Variants in CDKAL1 observed in about 807,000 individuals in gnomAD.
CDKAL1 encodes the protein threonylcarbamoyladenosine tRNA methylthiotransferase.
Under a neutral mutation model 68.2 loss-of-function variants are expected in CDKAL1, and 32 were observed. The observed-to-expected ratio is 0.47, with a 90% CI of 0.35 to 0.63. The LOEUF (loss-of-function observed/expected upper bound fraction) is 0.63. Among genes scored for constraint, CDKAL1 ranks in the 30% least tolerant of loss-of-function variants. The pLI is 0.00. For missense variants in CDKAL1, 606 were observed against 696.7 expected (o/e 0.87, Z 1.47); for synonymous variants, 234 against 244.3 (o/e 0.96, Z 0.39).
Position 20,602,709 on chromosome 6 carries a change from G to A in CDKAL1, c.287-46584G>A, listed in dbSNP as rs79239785. 6.5e-3 allele frequency among the ~76,000 whole-genome samples: 989 copies of A among 152,220 alleles called. 9 individuals are homozygous for A. Among genetic ancestry groups the A allele is most frequent in the African/African-American group, 0.023 (944 of 41,514 alleles). On this transcript the variant is annotated intron_variant, in intron 4 of 15. Transcript: ENST00000274695. ...CTTCTTTCTCCATGATTCCTCAGAG[G>A]TTACTTACTTACTGATTCAGCAGCC...
At chr6:21,172,842 G>A (rs12194541) in intron 13 of CDKAL1, among the ~76,000 whole-genome samples, 1,713 of 152,194 alleles carry the variant, frequency 0.011, 11 homozygotes, top group Non-Finnish European at 0.019. Flanking sequence ...TTGCTTGTGT[G>A]TACATTGGTT....
chr6:21,120,618 C>T (rs535873291), intron 13 of CDKAL1, among the ~76,000 whole-genome samples: 1 of 152,278 alleles, frequency 6.6e-6, no homozygotes, highest in African/African-American at 2.4e-5. Context: ...TTATTTTATG[C>T]ATACACAAAT....
chr6:20,951,922 C>T (rs1765115204), intron 9 of CDKAL1, among the ~76,000 whole-genome samples: 1 of 149,506 alleles, frequency 6.7e-6, no homozygotes, highest in South Asian at 2.1e-4. Flanking sequence ...CTTCTCTTAT[C>T]TTAGTTCTTC....
intron 5 of CDKAL1, among the ~76,000 whole-genome samples, chr6:20,709,462 T>C (rs1437119420): frequency 6.6e-6 from 1 of 152,156 alleles, no homozygotes; most frequent in East Asian, 1.9e-4. Flanking sequence ...AAAAAAAAAT[T>C]TGAAGTCTGA....
intron 4 of CDKAL1, among the ~76,000 whole-genome samples, chr6:20,568,032 C>T (rs1306426057): frequency 2.0e-5 from 3 of 152,100 alleles, no homozygotes; most frequent in Non-Finnish European, 2.9e-5. Flanking sequence ...CCTGCCACCA[C>T]GCCCGGCTAA....
intron 12 of CDKAL1, among the ~76,000 whole-genome samples, chr6:21,090,271 T>G (rs1772927181): frequency 6.6e-6 from 1 of 152,304 alleles, no homozygotes; most frequent in African/African-American, 2.4e-5. Context: ...TACCAAGCAT[T>G]TTATTGACAT....
chr6:21,117,117 T>C (rs1413923045), intron 13 of CDKAL1, among the ~76,000 whole-genome samples: 4 of 151,876 alleles, frequency 2.6e-5, no homozygotes, highest in Non-Finnish European at 5.9e-5. Flanking sequence ...AACAGCTCTG[T>C]TTTTTTTCCT....
chr6:20,543,732 ATTTTTTTTT>A (rs758586145), intron 2 of CDKAL1, among the ~76,000 whole-genome samples: 1 of 102,418 alleles, frequency 9.8e-6, no homozygotes. Flanking sequence ...TATGTTTTAC[ATTTTTTTTT>A]TTTTTTTTTT....
intron 13 of CDKAL1, among the ~76,000 whole-genome samples, chr6:21,188,330 T>G (rs1220221825): frequency 2.0e-5 from 3 of 152,220 alleles, no homozygotes; most frequent in Non-Finnish European, 4.4e-5. Flanking sequence ...AAGTATTTTG[T>G]GGCTTCTTCT....
chr6:21,095,680 C>G (rs56093609), intron 12 of CDKAL1, among the ~76,000 whole-genome samples: 7,793 of 150,834 alleles, frequency 0.052, 239 homozygotes, highest in East Asian at 0.11. Context: ...CACTGGCTAT[C>G]TCTGTGTAGT....
intron 15 of CDKAL1, among the ~76,000 whole-genome samples, chr6:21,227,105 T>C (rs1015794464): frequency 1.3e-5 from 2 of 152,266 alleles, no homozygotes; most frequent in Non-Finnish European, 2.9e-5. Flanking sequence ...ACAATCTTGA[T>C]AAGGTTTTAA....
chr6:20,672,840 G>A (rs532684697), intron 5 of CDKAL1, among the ~76,000 whole-genome samples: 3 of 151,560 alleles, frequency 2.0e-5, no homozygotes, highest in East Asian at 2.0e-4. Flanking sequence ...GCAATGGCAC[G>A]ATCTTGGCTC....
At chr6:20,747,418 A>T (rs1397763906) in intron 6 of CDKAL1, among the ~76,000 whole-genome samples, 1 of 152,182 alleles carries the variant, frequency 6.6e-6, no homozygotes, top group Non-Finnish European at 1.5e-5. Flanking sequence ...ACTGTTTTCC[A>T]TAACGGCTGT....
chr6:20,709,519 G>T (rs1009967324), intron 5 of CDKAL1, among the ~76,000 whole-genome samples: 1 of 152,010 alleles, frequency 6.6e-6, no homozygotes, highest in Non-Finnish European at 1.5e-5. Context: ...TCAACCTGTA[G>T]TCTCTTCCCT....
At chr6:20,628,685 G>C (rs987927748) in intron 4 of CDKAL1, among the ~76,000 whole-genome samples, 3 of 151,910 alleles carry the variant, frequency 2.0e-5, no homozygotes, top group Admixed American at 1.3e-4. Context: ...ACTTCATGTG[G>C]TTAAAGAATC....
intron 9 of CDKAL1, among the ~76,000 whole-genome samples, chr6:20,930,269 AAT>A (rs1763378890): frequency 6.6e-6 from 1 of 151,854 alleles, no homozygotes; most frequent in Non-Finnish European, 1.5e-5. Flanking sequence ...AAAAAAAAAA[AAT>A]TAACTTGTTT....
At chr6:20,973,315 A>G (rs964413694) in intron 10 of CDKAL1, among the ~76,000 whole-genome samples, 2 of 152,192 alleles carry the variant, frequency 1.3e-5, no homozygotes, top group African/African-American at 4.8e-5. Context: ...TTTCTATATA[A>G]AGGTATCTTT....
At chr6:21,203,691 CTTT>C (rs915087377) in intron 15 of CDKAL1, among the ~76,000 whole-genome samples, 9 of 94,094 alleles carry the variant, frequency 9.6e-5, no homozygotes, top group Admixed American at 2.1e-4. Flanking sequence ...CACTTGACCT[CTTT>C]TTTTTTTTTT....
intron 9 of CDKAL1, among the ~76,000 whole-genome samples, chr6:20,929,692 T>C (rs992663119): frequency 2.6e-5 from 4 of 152,152 alleles, no homozygotes; most frequent in African/African-American, 9.7e-5. Context: ...CTTTTAATTT[T>C]ATTTTTTGCT....
Sources: allele counts gnomAD v4.1 joint callset (sites outside exome capture counted in the v4.1 genomes callset), GRCh38; gene constraint gnomAD v4.1.1; transcripts MANE v1.5; gene names NCBI Gene and HGNC (gene_info 2026-07-23, HGNC 2026-07-21).